KSR2: variants seen among roughly 807,000 people sequenced by gnomAD.
The protein encoded by KSR2 is kinase suppressor of ras 2.
In KSR2, 25 loss-of-function variants were observed where a neutral mutation model predicts 107.8. That is an observed-to-expected ratio of 0.23 (90% CI 0.17 to 0.32). The LOEUF (loss-of-function observed/expected upper bound fraction) is 0.32. Ranked by LOEUF, KSR2 falls within the 10% of genes least tolerant of loss-of-function variation. The pLI, the probability that KSR2 is intolerant of heterozygous loss-of-function variation, is 1.00. For synonymous variants in KSR2, 480 were observed against 507.0 expected, an observed-to-expected ratio of 0.95 and a Z score of 0.71; for missense variants, 887 against 1,268.9, an observed-to-expected ratio of 0.70 and a Z score of 4.57.
chr12:117,504,491 C>T (rs1873557888), intron 14 of KSR2, among the ~76,000 whole-genome samples: 1 of 152,186 alleles, frequency 6.6e-6, no homozygotes, highest in South Asian at 2.1e-4. Flanking sequence ...CCAATGTTCA[C>T]CAAGGTAACC....
intron 1 of KSR2, among the ~76,000 whole-genome samples, chr12:117,941,011 G>A (rs1274646228): frequency 6.6e-6 from 1 of 152,090 alleles, no homozygotes; most frequent in Admixed American, 6.5e-5. Flanking sequence ...CTAGAACCCA[G>A]GAGGCAGAGG....
At chr12:117,818,728 T>C (rs1267728007) in intron 3 of KSR2, among the ~76,000 whole-genome samples, 2 of 152,138 alleles carry the variant, frequency 1.3e-5, no homozygotes, top group African/African-American at 4.8e-5. Context: ...CCTGCTGTCA[T>C]TGGCTGCATG....
At chr12:117,563,574 C>A (rs2137369245) in intron 7 of KSR2, among the ~76,000 whole-genome samples, 1 of 152,224 alleles carries the variant, frequency 6.6e-6, no homozygotes, top group East Asian at 1.9e-4. Context: ...ATATTTGGCA[C>A]ACAGTAGAAT....
At chr12:117,848,416 A>G (rs1249051200) in intron 3 of KSR2, among the ~76,000 whole-genome samples, 1 of 152,178 alleles carries the variant, frequency 6.6e-6, no homozygotes, top group African/African-American at 2.4e-5. Context: ...AATCAGTTTC[A>G]CCCTAGGACC....
chr12:117,807,091 C>T (rs1199600825), intron 3 of KSR2, among the ~76,000 whole-genome samples: 5 of 152,212 alleles, frequency 3.3e-5, no homozygotes, highest in Admixed American at 2.0e-4. Context: ...GGGGAATCTG[C>T]AGTGCCACCA....
At chr12:117,692,432 G>A (rs1885853929) in intron 4 of KSR2, among the ~76,000 whole-genome samples, 2 of 131,164 alleles carry the variant, frequency 1.5e-5, no homozygotes, top group African/African-American at 2.9e-5. Context: ...ATTACCATAT[G>A]ACCTGGCAAC....
chr12:117,608,003 A>C (rs973690072), intron 5 of KSR2, among the ~76,000 whole-genome samples: 4 of 152,176 alleles, frequency 2.6e-5, no homozygotes, highest in Non-Finnish European at 5.9e-5. Flanking sequence ...CATGGGGTCA[A>C]CTCAGCTCTG....
rs1454605358 is a variant in KSR2 at position 117,455,724 on chromosome 12, G to C, written c.*11475C>G. 6 of 152,272 alleles carry C rather than the reference G, an allele frequency of 3.9e-5. No homozygotes were observed. The highest frequency in any genetic ancestry group is 7.3e-5 in the Non-Finnish European group (5 of 68,084). 9.4% of individuals were successfully genotyped at this position (152,272 alleles called of 1,614,324 possible). A position where few individuals can be genotyped will look rare whatever the true frequency, so the allele number is the denominator to read the frequency against. ...GCTCTGCTGAGGGTGTAGTGAATGGGGCTGGGGACATGAGCCTTTGAAATA... is the reference window on the plus strand; with the variant it reads ...GCTCTGCTGAGGGTGTAGTGAATGGCGCTGGGGACATGAGCCTTTGAAATA... On this transcript the variant is annotated 3_prime_UTR_variant, in exon 20 of 20. Coordinates refer to ENST00000339824, the MANE Select transcript of KSR2 (RefSeq NM_173598.6).
intron 7 of KSR2, among the ~76,000 whole-genome samples, chr12:117,561,253 A>T (rs1878098862): frequency 6.6e-6 from 1 of 152,260 alleles, no homozygotes; most frequent in Non-Finnish European, 1.5e-5. Flanking sequence ...CTACAAAAAG[A>T]GGACATAGCT....
chr12:117,913,394 C>A lies in KSR2; in HGVS notation c.181-52963G>T, dbSNP rs531916892. Among the ~76,000 whole-genome samples, 237 of 152,302 alleles carry A rather than the reference C, an allele frequency of 1.6e-3. 2 individuals are homozygous for A. The highest frequency in any genetic ancestry group is 5.6e-3 in the African/African-American group (231 of 41,554). ...ATATCTAACCTCTCCCCCTGTCCATCCCACCATAGTGGCTTGAATACCATC... is the reference window on the plus strand; with the variant it reads ...ATATCTAACCTCTCCCCCTGTCCATACCACCATAGTGGCTTGAATACCATC... On this transcript the variant is annotated intron_variant, in intron 1 of 19. Coordinates refer to ENST00000339824, the MANE Select transcript of KSR2 (RefSeq NM_173598.6).
At chr12:117,594,876 G>T (rs748696127) in intron 5 of KSR2, among the ~76,000 whole-genome samples, 5 of 152,160 alleles carry the variant, frequency 3.3e-5, no homozygotes, top group Non-Finnish European at 7.3e-5. Flanking sequence ...GTATCTACTG[G>T]GTAGAGACCA....
intron 5 of KSR2, among the ~76,000 whole-genome samples, chr12:117,607,114 C>T (rs1593045046): frequency 6.6e-6 from 1 of 152,140 alleles, no homozygotes; most frequent in Non-Finnish European, 1.5e-5. Context: ...TGACAATGAG[C>T]TCTTCAAGGG....
At chr12:117,813,103 C>A (rs1192316082) in intron 3 of KSR2, among the ~76,000 whole-genome samples, 1 of 150,116 alleles carries the variant, frequency 6.7e-6, no homozygotes. Context: ...GAAACCAGAC[C>A]CCCATCTCTC....
At chr12:117,896,237 C>T (rs1169537054) in intron 1 of KSR2, among the ~76,000 whole-genome samples, 2 of 152,110 alleles carry the variant, frequency 1.3e-5, no homozygotes, top group African/African-American at 4.8e-5. Flanking sequence ...ATAGATGAGC[C>T]TCAAAAACAC....
chr12:117,633,149 A>G (rs1352214904), intron 5 of KSR2, among the ~76,000 whole-genome samples: 3 of 152,094 alleles, frequency 2.0e-5, no homozygotes, highest in African/African-American at 7.2e-5. Context: ...TTTTTCAGCA[A>G]CTCCTGCCTT....
At chr12:117,556,106 C>G (rs1212891857) in intron 8 of KSR2, among the ~76,000 whole-genome samples, 2 of 152,038 alleles carry the variant, frequency 1.3e-5, no homozygotes, top group African/African-American at 4.8e-5. Flanking sequence ...TTTTCAACTT[C>G]CAACCAACGG....
intron 3 of KSR2, among the ~76,000 whole-genome samples, chr12:117,773,900 G>C (rs1889595602): frequency 6.6e-6 from 1 of 152,172 alleles, no homozygotes; most frequent in South Asian, 2.1e-4. Flanking sequence ...ACTATTCTAA[G>C]TATTCACGTG....
chr12:117,782,380 T>C (rs1263526747), intron 3 of KSR2, among the ~76,000 whole-genome samples: 1 of 152,188 alleles, frequency 6.6e-6, no homozygotes, highest in Non-Finnish European at 1.5e-5. Flanking sequence ...CCTCCCACCT[T>C]GGTCTCCCGA....
At chr12:117,868,748 T>C (rs61939880) in intron 1 of KSR2, among the ~76,000 whole-genome samples, 65,925 of 143,536 alleles carry the variant, frequency 0.46, 14,652 homozygotes, top group Middle Eastern at 0.55. Flanking sequence ...CATGCATATA[T>C]TTTCTTTTCT....
Sources: allele counts gnomAD v4.1 joint callset (sites outside exome capture counted in the v4.1 genomes callset), GRCh38; gene constraint gnomAD v4.1.1; transcripts MANE v1.5; gene names NCBI Gene and HGNC (gene_info 2026-07-23, HGNC 2026-07-21).